Variants in FRY observed in about 807,000 individuals in gnomAD.
FRY encodes the protein protein furry homolog.
A neutral mutation model predicts 348.4 loss-of-function variants in FRY; 128 were observed. The observed-to-expected ratio is 0.37, with a 90% CI of 0.32 to 0.43. The LOEUF is 0.43. FRY is among the 20% of genes least tolerant of loss of function. The pLI is 1.00. For missense variants in FRY, 2,736 were observed against 3,695.2 expected (o/e 0.74, Z 6.73); for synonymous variants, 1,370 against 1,374.7 (o/e 1.00, Z 0.08).
chr13:32,085,637 T>C (rs1320320413), intron 2 of FRY, among the ~76,000 whole-genome samples: 1 of 152,170 alleles, frequency 6.6e-6, no homozygotes, highest in African/African-American at 2.4e-5. Context: ...CCTGAGCATG[T>C]AGGAGATGCT....
intron 51 of FRY, among the ~76,000 whole-genome samples, chr13:32,259,325 C>A (rs1033411518): frequency 6.6e-6 from 1 of 152,192 alleles, no homozygotes; most frequent in Non-Finnish European, 1.5e-5. Context: ...CCAGGGGAAC[C>A]ATTTCAACAC....
intron 36 of FRY, among the ~76,000 whole-genome samples, chr13:32,219,982 A>C (rs1439238037): frequency 1.3e-5 from 2 of 152,234 alleles, no homozygotes; most frequent in Admixed American, 1.3e-4. Context: ...AGCCCTGGAC[A>C]GCTTCTGTAG....
intron 2 of FRY, among the ~76,000 whole-genome samples, chr13:32,081,085 G>A (rs1875457024): frequency 6.6e-6 from 1 of 152,140 alleles, no homozygotes; most frequent in African/African-American, 2.4e-5. Context: ...TTGGAATAAG[G>A]ATTAGATCTG....
chr13:32,070,925 C>T (rs1409176597), intron 1 of FRY, among the ~76,000 whole-genome samples: 1 of 152,170 alleles, frequency 6.6e-6, no homozygotes, highest in Non-Finnish European at 1.5e-5. Context: ...CAGCTTTCTA[C>T]ATATGGCTAG....
intron 16 of FRY, among the ~76,000 whole-genome samples, chr13:32,160,062 TATTA>T (rs1377169867): frequency 2.0e-5 from 3 of 152,238 alleles, no homozygotes; most frequent in Non-Finnish European, 2.9e-5. Flanking sequence ...AACAATTTTT[TATTA>T]ATTCTTAACA....
chr13:32,154,059 T>A (rs1210961015), intron 14 of FRY, among the ~76,000 whole-genome samples: 2 of 152,164 alleles, frequency 1.3e-5, no homozygotes, highest in African/African-American at 4.8e-5. Context: ...AATTGGATAA[T>A]CCACTGGCAA....
At chr13:32,148,692 T>C (rs1176289456) in intron 13 of FRY, among the ~76,000 whole-genome samples, 1 of 152,158 alleles carries the variant, frequency 6.6e-6, no homozygotes, top group Non-Finnish European at 1.5e-5. Context: ...TCTTTATCTG[T>C]AAAATGGGGA....
At position 32,261,808 on chromosome 13, in the gene FRY, T is replaced by C. The variant is rs1887661943; in HGVS notation, c.7609T>C (p.Ser2537Pro). The C allele has an allele frequency of 1.2e-6, 2 of 1,614,058 alleles. No individual in the cohort carries two copies. Among genetic ancestry groups the C allele is most frequent in the Non-Finnish European group, 1.7e-6 (2 of 1,179,928 alleles). The change falls in exon 52 of 61, where the codon TCA (serine) becomes CCA (proline). Residue 2537 changes from serine to proline, a missense_variant. Around this residue, in one of 9 missense-constraint regions of FRY, gnomAD observed 789 missense variants for 996.2 expected, o/e 0.79. Coordinates refer to ENST00000542859, the MANE Select transcript of FRY (RefSeq NM_023037.3). ...DLTASQILEH[S>P]DLIMTLSPSE... ...CACAGCCAGCCAGATCCTGGAGCAC[T>C]CAGACCTAGTAAGTAGCGGCTCTCC...
intron 10 of FRY, among the ~76,000 whole-genome samples, chr13:32,135,605 A>G (rs188934747): frequency 6.6e-6 from 1 of 152,348 alleles, no homozygotes; most frequent in African/African-American, 2.4e-5. Flanking sequence ...GGAGTTGGGA[A>G]ATAGACAGTT....
chr13:32,160,082 G>T (rs529982593), intron 16 of FRY, among the ~76,000 whole-genome samples: 8 of 152,156 alleles, frequency 5.3e-5, no homozygotes, highest in Non-Finnish European at 1.0e-4. Context: ...TAACAAACTT[G>T]TAAAAGCACA....
chr13:32,227,035 GA>G (rs982633489), intron 39 of FRY, among the ~76,000 whole-genome samples: 1 of 152,202 alleles, frequency 6.6e-6, no homozygotes, highest in Admixed American at 6.5e-5. Context: ...GTTAGGCAGA[GA>G]AAACTGTAAT....
chr13:32,171,623 C>A (rs903644642), intron 18 of FRY, among the ~76,000 whole-genome samples: 2 of 152,030 alleles, frequency 1.3e-5, no homozygotes, highest in African/African-American at 4.8e-5. Flanking sequence ...AATTTATATT[C>A]TTTTATTCAT....
intron 34 of FRY, 37 bp downstream of exon 34, chr13:32,211,071 T>G (rs1244857116): frequency 1.9e-6 from 3 of 1,591,276 alleles, no homozygotes; most frequent in African/African-American, 2.7e-5. Flanking sequence ...TGGTCACAGA[T>G]CCCTGGGGTT....
intron 35 of FRY, among the ~76,000 whole-genome samples, chr13:32,213,355 T>C (rs1884793109): frequency 6.6e-6 from 1 of 152,174 alleles, no homozygotes; most frequent in South Asian, 2.1e-4. Context: ...CCAGCCAGAT[T>C]CCTCACTGCA....
chr13:32,169,938 C>T (rs1566108300), intron 17 of FRY, among the ~76,000 whole-genome samples: 1 of 152,202 alleles, frequency 6.6e-6, no homozygotes, highest in Non-Finnish European at 1.5e-5. Context: ...TCAACCTTGG[C>T]ACTATTGACA....
intron 13 of FRY, among the ~76,000 whole-genome samples, chr13:32,148,351 T>C (rs893682089): frequency 6.6e-6 from 1 of 152,210 alleles, no homozygotes; most frequent in Admixed American, 6.5e-5. Flanking sequence ...ATTTGAGGAA[T>C]AAATAATAAT....
intron 3 of FRY, among the ~76,000 whole-genome samples, chr13:32,103,087 T>A (rs1593615015): frequency 6.6e-6 from 1 of 152,344 alleles, no homozygotes; most frequent in East Asian, 1.9e-4. Context: ...TTTTATGAGC[T>A]GTTCTGTGAA....
At chr13:32,102,931 G>T (rs1168403951) in intron 3 of FRY, among the ~76,000 whole-genome samples, 1 of 152,210 alleles carries the variant, frequency 6.6e-6, no homozygotes, top group Admixed American at 6.5e-5. Context: ...ATGGTCTAAT[G>T]AAAACCACAC....
chr13:32,221,708 T>C (rs1418055853), intron 36 of FRY, among the ~76,000 whole-genome samples: 2 of 152,176 alleles, frequency 1.3e-5, no homozygotes, highest in Non-Finnish European at 2.9e-5. Flanking sequence ...AGACAGGGTT[T>C]CACCATGCTG....
Sources: gnomAD v4.1 joint callset for allele counts (sites outside exome capture counted in the v4.1 genomes callset) on GRCh38, gnomAD v4.1.1 for gene constraint, gnomAD v4.1.1 regional missense constraint, MANE v1.5 for transcripts, NCBI Gene and HGNC (gene_info 2026-07-23, HGNC 2026-07-21) for gene names.